Variants in TTC28 observed in about 807,000 individuals in gnomAD.
TTC28 encodes the protein tetratricopeptide repeat protein 28.
Under a neutral mutation model 198.0 loss-of-function variants are expected in TTC28, and 61 were observed. The observed-to-expected ratio is 0.31, with a 90% CI of 0.25 to 0.38. The LOEUF (loss-of-function observed/expected upper bound fraction) is 0.38, where lower values mean the gene tolerates loss of function less well. TTC28 is among the 10% of genes least tolerant of loss of function. The pLI, the probability that TTC28 is intolerant of heterozygous loss-of-function variation, is 1.00. For synonymous variants in TTC28, 1,171 were observed against 1,297.8 expected, an observed-to-expected ratio of 0.90 and a Z score of 2.10; for missense variants, 2,678 against 3,164.0, an observed-to-expected ratio of 0.85 and a Z score of 3.69.
intron 2 of TTC28, among the ~76,000 whole-genome samples, chr22:28,574,030 T>A (rs2050104341): frequency 6.6e-6 from 1 of 152,176 alleles, no homozygotes; most frequent in Non-Finnish European, 1.5e-5. Flanking sequence ...AGATCTCTTT[T>A]TTAACAGAGT....
intron 2 of TTC28, among the ~76,000 whole-genome samples, chr22:28,332,990 A>G (rs1270296578): frequency 6.6e-6 from 1 of 152,164 alleles, no homozygotes; most frequent in African/African-American, 2.4e-5. Context: ...AGCAGAGAAC[A>G]GCAATGTAAA....
chr22:28,526,499 G>GA (rs1465597081), intron 2 of TTC28, among the ~76,000 whole-genome samples: 1 of 152,174 alleles, frequency 6.6e-6, no homozygotes, highest in Non-Finnish European at 1.5e-5. Flanking sequence ...CAGTGGGCAA[G>GA]AATAGCATGT....
chr22:28,500,057 C>T (rs1027472159), intron 2 of TTC28, among the ~76,000 whole-genome samples: 2 of 152,094 alleles, frequency 1.3e-5, no homozygotes, highest in African/African-American at 4.8e-5. Flanking sequence ...AATTCACACA[C>T]CATAAATTCA....
intron 13 of TTC28, among the ~76,000 whole-genome samples, chr22:28,029,824 G>A (rs1394351700): frequency 6.6e-6 from 1 of 152,142 alleles, no homozygotes; most frequent in Non-Finnish European, 1.5e-5. Flanking sequence ...TGACCTCCCC[G>A]AATCTCAGGC....
At chr22:28,019,217 G>A (rs1938496060) in intron 13 of TTC28, among the ~76,000 whole-genome samples, 1 of 152,106 alleles carries the variant, frequency 6.6e-6, no homozygotes, top group East Asian at 1.9e-4. Flanking sequence ...ATAAAGGGTT[G>A]GGCTAAAGTT....
chr22:28,538,915 A>G (rs1469514661), intron 2 of TTC28, among the ~76,000 whole-genome samples: 1 of 152,176 alleles, frequency 6.6e-6, no homozygotes. Context: ...CAAAAAGTGA[A>G]TATTTTAAAG....
At chr22:28,351,385 A>G (rs1244995616) in intron 2 of TTC28, among the ~76,000 whole-genome samples, 1 of 152,210 alleles carries the variant, frequency 6.6e-6, no homozygotes, top group East Asian at 1.9e-4. Context: ...AAAGAAGATC[A>G]TATCTTAATA....
At chr22:28,175,212 T>G (rs1406896797) in intron 5 of TTC28, among the ~76,000 whole-genome samples, 1 of 152,068 alleles carries the variant, frequency 6.6e-6, no homozygotes, top group Non-Finnish European at 1.5e-5. Context: ...GGCAAGGATT[T>G]TTAAAACATG....
At chr22:28,318,933 C>T (rs1372507056) in intron 2 of TTC28, among the ~76,000 whole-genome samples, 1 of 140,126 alleles carries the variant, frequency 7.1e-6, no homozygotes, top group East Asian at 2.2e-4. Flanking sequence ...ATCTTCCTGT[C>T]TTAGCCTTGC....
rs1942266943 is a variant in TTC28 at position 28,105,468 on chromosome 22, A to T, written c.3118T>A (p.Tyr1040Asn). 2 of 1,551,674 alleles carry T rather than the reference A, an allele frequency of 1.3e-6. No individual in the cohort carries two copies. Among genetic ancestry groups the T allele is most frequent in the South Asian group, 2.4e-5 (2 of 84,058 alleles). The change falls in exon 8 of 23, where the codon TAT becomes AAT. Residue 1040 changes from tyrosine (Y) to asparagine (N), a missense_variant. By Grantham distance (143) the Tyr-to-Asn change is moderately radical. Coordinates refer to ENST00000397906, the MANE Select transcript of TTC28 (RefSeq NM_001145418.2). ...TCATAAGTCAGGCCCAGGTTCCCAT[A>T]GGCTCGGCCCTGGCACGTGGGGTTG... ...TNNPTCQGRA[Y>N]GNLGLTYESL...
In TTC28 at chr22:27,980,276, G is replaced by A. The variant is rs539987714; in HGVS notation, c.*1945C>T. 5 of 152,192 alleles carry A rather than the reference G, an allele frequency of 3.3e-5. No homozygotes were observed. In the South Asian group the frequency reaches 1.0e-3, roughly 32 times the overall value. The allele number at this position is 152,192 out of a possible 1,614,324, so 9.4% of individuals were successfully genotyped here. A position where few individuals can be genotyped will look rare whatever the true frequency, so the allele number is the denominator to read the frequency against. Reference sequence around the variant, plus strand: ...AATTTGGTCTTCACTTGCTACACTGGTACTTTTATTACCATTTTTTCCCCT... The same window carrying A: ...AATTTGGTCTTCACTTGCTACACTGATACTTTTATTACCATTTTTTCCCCT... On this transcript the variant is annotated 3_prime_UTR_variant, in exon 23 of 23. Coordinates refer to ENST00000397906, the MANE Select transcript of TTC28 (RefSeq NM_001145418.2).
intron 5 of TTC28, among the ~76,000 whole-genome samples, chr22:28,175,597 G>A (rs960303299): frequency 6.6e-6 from 1 of 152,040 alleles, no homozygotes; most frequent in African/African-American, 2.4e-5. Flanking sequence ...TCCGGGCACG[G>A]TGGTGCATGC....
chr22:28,605,440 T>C (rs2050713618), intron 2 of TTC28, among the ~76,000 whole-genome samples: 4 of 152,234 alleles, frequency 2.6e-5, no homozygotes, highest in Admixed American at 2.6e-4. Flanking sequence ...TTTGTAGTTT[T>C]TTCTTGAATA....
At chr22:28,109,351 A>C (rs926622166) in intron 6 of TTC28, among the ~76,000 whole-genome samples, 6 of 152,220 alleles carry the variant, frequency 3.9e-5, no homozygotes, top group Non-Finnish European at 7.3e-5. Flanking sequence ...ATCAGGAAAA[A>C]ATGCTGCATG....
chr22:28,282,905 A>C (rs918790495), intron 5 of TTC28, among the ~76,000 whole-genome samples: 1 of 152,198 alleles, frequency 6.6e-6, no homozygotes, highest in Non-Finnish European at 1.5e-5. Context: ...TACATTATAC[A>C]TATATATACA....
chr22:28,198,887 A>G (rs1399966387), intron 5 of TTC28, among the ~76,000 whole-genome samples: 1 of 152,104 alleles, frequency 6.6e-6, no homozygotes, highest in East Asian at 1.9e-4. Flanking sequence ...CTTACATTCT[A>G]TTGTACAGAA....
chr22:28,580,320 C>A (rs748976754), intron 2 of TTC28, among the ~76,000 whole-genome samples: 2 of 152,040 alleles, frequency 1.3e-5, no homozygotes, highest in Non-Finnish European at 1.5e-5. Flanking sequence ...ACAAAGATGC[C>A]CTTTATGGTA....
chr22:28,531,682 A>G (rs1316835821), intron 2 of TTC28, among the ~76,000 whole-genome samples: 1 of 152,236 alleles, frequency 6.6e-6, no homozygotes, highest in Non-Finnish European at 1.5e-5. Flanking sequence ...CAGCAAATGT[A>G]AAAGAACAGA....
intron 13 of TTC28, among the ~76,000 whole-genome samples, chr22:28,026,523 C>T (rs1314147004): frequency 2.0e-5 from 3 of 152,124 alleles, no homozygotes; most frequent in Non-Finnish European, 4.4e-5. Context: ...GATGGAGAGG[C>T]CTCTTTCCCC....
Sources: gnomAD v4.1 joint callset for allele counts (sites outside exome capture counted in the v4.1 genomes callset) on GRCh38, gnomAD v4.1.1 for gene constraint, MANE v1.5 for transcripts, NCBI Gene and HGNC (gene_info 2026-07-23, HGNC 2026-07-21) for gene names.